Variants in DIAPH3 observed in about 807,000 individuals in gnomAD.
The protein encoded by DIAPH3 is protein diaphanous homolog 3.
In DIAPH3, 117 loss-of-function variants were observed where a neutral mutation model predicts 144.3. The ratio of observed to expected loss-of-function variants is 0.81; its 90% CI spans 0.70 to 0.95. The LOEUF (loss-of-function observed/expected upper bound fraction) is 0.95. DIAPH3 is among the 40% of genes least tolerant of loss of function. The pLI is 0.00. For synonymous variants in DIAPH3, 519 were observed against 488.9 expected (o/e 1.06, Z -0.81); for missense variants, 1,421 against 1,412.7 (o/e 1.01, Z -0.09).
At position 59,727,307 on chromosome 13, in the gene DIAPH3, TG is replaced by T. The variant is rs538736828; in HGVS notation, c.3319+46881del. ...TCACATAGAGCAAAAAAAAAACAAT[TG>T]TTTGTTATTCAGGGAAGAAGACTTA... On this transcript the variant is annotated intron_variant, in intron 27 of 27. Transcript: ENST00000400324. Among the ~76,000 whole-genome samples, 711 of 152,264 alleles carry T rather than the reference TG, an allele frequency of 4.7e-3. 4 individuals are homozygous for T. Among genetic ancestry groups the T allele is most frequent in the Admixed American group, 5.8e-3 (89 of 15,292 alleles).
chr13:59,758,171 C>A (rs2037385399), intron 27 of DIAPH3, among the ~76,000 whole-genome samples: 1 of 152,172 alleles, frequency 6.6e-6, no homozygotes, highest in African/African-American at 2.4e-5. Context: ...TTTACTAAAG[C>A]TGAATATATG....
chr13:59,788,462 A>G (rs1030666471), intron 25 of DIAPH3, among the ~76,000 whole-genome samples: 2 of 152,204 alleles, frequency 1.3e-5, no homozygotes, highest in Non-Finnish European at 2.9e-5. Flanking sequence ...TCTAAAAAAT[A>G]GCTTTTTTAA....
chr13:59,917,549 T>A (rs2047281131), intron 18 of DIAPH3, among the ~76,000 whole-genome samples: 1 of 152,074 alleles, frequency 6.6e-6, no homozygotes, highest in Non-Finnish European at 1.5e-5. Flanking sequence ...ATGTCTATAA[T>A]CCTTAATATC....
chr13:59,754,275 T>C (rs896241604), intron 27 of DIAPH3, among the ~76,000 whole-genome samples: 2 of 152,214 alleles, frequency 1.3e-5, no homozygotes, highest in African/African-American at 4.8e-5. Flanking sequence ...GTTTAATTCT[T>C]GCCTCTGTCA....
chr13:59,956,296 G>C (rs1409740816), intron 17 of DIAPH3, among the ~76,000 whole-genome samples: 1 of 152,198 alleles, frequency 6.6e-6, no homozygotes, highest in Non-Finnish European at 1.5e-5. Context: ...ACCTAGAAGG[G>C]AAAAATGATT....
At chr13:59,852,599 A>G (rs1297176039) in intron 22 of DIAPH3, among the ~76,000 whole-genome samples, 1 of 152,184 alleles carries the variant, frequency 6.6e-6, no homozygotes, top group Admixed American at 6.5e-5. Context: ...TCCATTCCCT[A>G]TGTTAGTATG....
intron 22 of DIAPH3, among the ~76,000 whole-genome samples, chr13:59,852,133 C>G (rs1174385628): frequency 6.6e-6 from 1 of 152,110 alleles, no homozygotes; most frequent in African/African-American, 2.4e-5. Context: ...TGAAAGATAG[C>G]TGCCAAGAAG....
At chr13:60,123,991 T>C (rs886073016) in intron 2 of DIAPH3, among the ~76,000 whole-genome samples, 1 of 152,216 alleles carries the variant, frequency 6.6e-6, no homozygotes, top group Non-Finnish European at 1.5e-5. Context: ...CTTTCTTTCA[T>C]AAATATGATG....
chr13:59,966,764 T>G (rs2050070300), intron 17 of DIAPH3, among the ~76,000 whole-genome samples: 1 of 152,206 alleles, frequency 6.6e-6, no homozygotes, highest in African/African-American at 2.4e-5. Flanking sequence ...ATCTATCATT[T>G]AAATGCCTGG....
intron 24 of DIAPH3, among the ~76,000 whole-genome samples, chr13:59,824,959 A>G (rs547639304): frequency 6.6e-6 from 1 of 152,258 alleles, no homozygotes; most frequent in South Asian, 2.1e-4. Context: ...CTATATGAGA[A>G]CAGGTGATAT....
At chr13:60,021,484 T>G (rs2054015951) in intron 5 of DIAPH3, among the ~76,000 whole-genome samples, 2 of 150,796 alleles carry the variant, frequency 1.3e-5, no homozygotes. Context: ...AATAGCCGGG[T>G]GTGGTGGTGA....
At chr13:60,139,910 A>C (rs939376456) in intron 1 of DIAPH3, among the ~76,000 whole-genome samples, 2 of 152,204 alleles carry the variant, frequency 1.3e-5, no homozygotes, top group African/African-American at 4.8e-5. Flanking sequence ...ACTCTTTTGC[A>C]ACATGTCCAG....
In DIAPH3 at chr13:59,666,766, T is replaced by C; in HGVS notation, c.3400A>G (p.Lys1134Glu). The change falls in exon 28 of 28, where the codon AAG becomes GAG. Residue 1134 changes from lysine to glutamate, a missense_variant. Coordinates refer to ENST00000400324, the MANE Select transcript of DIAPH3 (RefSeq NM_001042517.2). ...NCNSTRTPVAKELNYNLDTHT... is the reference protein window; with the variant it reads ...NCNSTRTPVAEELNYNLDTHT... ...GTGTCTAGATTATAATTAAGCTCCT[T>C]GGCGACTGGAGTCCTTGTTGAGTTG... 6.2e-7 allele frequency: 1 copy of C among 1,614,192 alleles called. No homozygotes were observed.
At chr13:60,116,796 T>A (rs1387006404) in intron 2 of DIAPH3, among the ~76,000 whole-genome samples, 1 of 152,086 alleles carries the variant, frequency 6.6e-6, no homozygotes, top group Non-Finnish European at 1.5e-5. Flanking sequence ...ATCTTAATTT[T>A]CACCAAAAAC....
intron 20 of DIAPH3, among the ~76,000 whole-genome samples, chr13:59,903,713 ATTT>A (rs2046577630): frequency 6.6e-6 from 1 of 152,182 alleles, no homozygotes; most frequent in African/African-American, 2.4e-5. Context: ...CTACAGATTC[ATTT>A]TTAACAAAAA....
At chr13:59,709,505 C>T (rs1593633999) in intron 27 of DIAPH3, among the ~76,000 whole-genome samples, 1 of 152,176 alleles carries the variant, frequency 6.6e-6, no homozygotes, top group East Asian at 1.9e-4. Context: ...TGCTCACCAT[C>T]ACTGGCCATC....
At chr13:59,941,134 T>A (rs1463256212) in intron 17 of DIAPH3, among the ~76,000 whole-genome samples, 1 of 152,172 alleles carries the variant, frequency 6.6e-6, no homozygotes, top group Non-Finnish European at 1.5e-5. Context: ...ACAATAGTCT[T>A]GAAAGCTATG....
chr13:59,955,063 C>CATATATATATATACATGT (rs71793469), intron 17 of DIAPH3, among the ~76,000 whole-genome samples: 2 of 119,568 alleles, frequency 1.7e-5, no homozygotes, highest in African/African-American at 6.8e-5. Context: ...AATATTCTTT[C>CATATATATATATACATGT]ATATATATAT....
At chr13:59,977,952 G>A (rs562656856) in intron 14 of DIAPH3, among the ~76,000 whole-genome samples, 5 of 151,810 alleles carry the variant, frequency 3.3e-5, no homozygotes, top group South Asian at 4.2e-4. Context: ...GCTATCTCGC[G>A]TTGTTCTTCA....
Sources: gnomAD v4.1 joint callset for allele counts (sites outside exome capture counted in the v4.1 genomes callset) on GRCh38, gnomAD v4.1.1 for gene constraint, MANE v1.5 for transcripts, NCBI Gene and HGNC (gene_info 2026-07-23, HGNC 2026-07-21) for gene names.